Variants in ATP2B2 observed in about 807,000 individuals in gnomAD.
The protein encoded by ATP2B2 is plasma membrane calcium-transporting ATPase 2.
ATP2B2 carries 15 observed loss-of-function variants against 120.0 expected under a neutral mutation model. That is an observed-to-expected ratio of 0.12 (90% confidence interval 0.08 to 0.19). The LOEUF (loss-of-function observed/expected upper bound fraction) is 0.19. Ranked by LOEUF, ATP2B2 falls within the 10% of genes least tolerant of loss-of-function variation. The probability of loss-of-function intolerance (pLI) is 1.00; values close to 1 mark genes in which losing one functional copy is unlikely to be tolerated. For missense variants in ATP2B2, 1,045 were observed against 1,719.8 expected (o/e 0.61, Z 6.94); for synonymous variants, 694 against 700.3 (o/e 0.99, Z 0.14).
intron 5 of ATP2B2, among the ~76,000 whole-genome samples, chr3:10,396,656 T>C (rs578128743): frequency 6.6e-6 from 1 of 152,136 alleles, no homozygotes; most frequent in Admixed American, 6.5e-5. Flanking sequence ...AAGAAACTAA[T>C]CAAGGAACAC....
chr3:10,492,293 C>T lies in ATP2B2; in HGVS notation c.-320+13172G>A, dbSNP rs142099037. ...CAGGCAAGAAGCACCAGTCTCTTTCCAGAGCTTGGCCTGCATGGGTCTAAT... is the reference window on the plus strand; with the variant it reads ...CAGGCAAGAAGCACCAGTCTCTTTCTAGAGCTTGGCCTGCATGGGTCTAAT... On this transcript the variant is annotated intron_variant, in intron 1 of 22. Transcript: ENST00000360273. Among the ~76,000 whole-genome samples, 10 of 152,222 alleles carry T rather than the reference C, an allele frequency of 6.6e-5. No homozygotes were observed. In the East Asian group the frequency reaches 1.7e-3, roughly 26 times the overall value.
chr3:10,380,804 A>G (rs2061511326), intron 8 of ATP2B2, among the ~76,000 whole-genome samples: 2 of 152,200 alleles, frequency 1.3e-5, no homozygotes, highest in African/African-American at 2.4e-5. Context: ...TTCCACTTTC[A>G]TAAAACAGGA....
At chr3:10,568,390 C>T (rs1336629386) in intron 2 of ATP2B2, among the ~76,000 whole-genome samples, 1 of 152,132 alleles carries the variant, frequency 6.6e-6, no homozygotes, top group East Asian at 1.9e-4. Flanking sequence ...AGGATCAGGG[C>T]TCATGGGTGT....
At chr3:10,372,113 C>T in intron 11 of ATP2B2, 62 bp from the exon 12 acceptor site, 1 of 1,609,538 alleles carries the variant, frequency 6.2e-7, no homozygotes, top group Non-Finnish European at 8.5e-7. Flanking sequence ...CATGGGGTGC[C>T]TGGAGGCACT....
chr3:10,600,424 G>C (rs1156259443), intron 2 of ATP2B2, among the ~76,000 whole-genome samples: 1 of 152,134 alleles, frequency 6.6e-6, no homozygotes, highest in East Asian at 1.9e-4. Flanking sequence ...TCTACCCTAT[G>C]TCATCTCCCC....
At chr3:10,588,860 G>A (rs2068577110) in intron 2 of ATP2B2, among the ~76,000 whole-genome samples, 1 of 152,160 alleles carries the variant, frequency 6.6e-6, no homozygotes, top group Non-Finnish European at 1.5e-5. Flanking sequence ...AGATCCAACT[G>A]GAAATAGCCT....
intron 1 of ATP2B2, among the ~76,000 whole-genome samples, chr3:10,479,831 C>T (rs964165795): frequency 2.0e-5 from 3 of 152,188 alleles, no homozygotes; most frequent in Non-Finnish European, 4.4e-5. Flanking sequence ...CTTGGTGGCT[C>T]ATGCCTGTAA....
chr3:10,523,787 A>G (rs1473981817), intron 3 of ATP2B2, among the ~76,000 whole-genome samples: 1 of 151,856 alleles, frequency 6.6e-6, no homozygotes. Flanking sequence ...GTGGTCAAAT[A>G]TATCAGAGCC....
intron 2 of ATP2B2, among the ~76,000 whole-genome samples, chr3:10,425,474 C>T (rs908988819): frequency 3.3e-5 from 5 of 152,156 alleles, no homozygotes; most frequent in Admixed American, 6.5e-5. Flanking sequence ...AGCTGCCTCA[C>T]TTACTACCTG....
intron 2 of ATP2B2, among the ~76,000 whole-genome samples, chr3:10,614,417 G>A (rs2069326561): frequency 6.6e-6 from 1 of 152,168 alleles, no homozygotes. Flanking sequence ...GGGCTGTACA[G>A]TTTCAACAGC....
intron 1 of ATP2B2, among the ~76,000 whole-genome samples, chr3:10,700,707 A>G (rs2071804031): frequency 6.6e-6 from 1 of 152,262 alleles, no homozygotes; most frequent in South Asian, 2.1e-4. Flanking sequence ...GGACTGAGTT[A>G]TGCTCAGTAA....
intron 5 of ATP2B2, among the ~76,000 whole-genome samples, chr3:10,390,844 G>C (rs1045015793): frequency 1.3e-5 from 2 of 152,150 alleles, no homozygotes; most frequent in African/African-American, 4.8e-5. Flanking sequence ...TCTCATCACA[G>C]GCAGACCCTG....
chr3:10,512,014 C>T, intron 3 of ATP2B2, among the ~76,000 whole-genome samples: 1 of 152,174 alleles, frequency 6.6e-6, no homozygotes, highest in Non-Finnish European at 1.5e-5. Flanking sequence ...TTGCTGAGCA[C>T]CTACTGTGTG....
At chr3:10,450,315 A>G (rs550252564) in intron 1 of ATP2B2, among the ~76,000 whole-genome samples, 1 of 150,994 alleles carries the variant, frequency 6.6e-6, no homozygotes, top group Admixed American at 6.6e-5. Flanking sequence ...GCACACCCAG[A>G]CTCCATTTCC....
intron 1 of ATP2B2, among the ~76,000 whole-genome samples, chr3:10,640,630 TGGA>T (rs1169104339): frequency 6.6e-6 from 1 of 152,144 alleles, no homozygotes; most frequent in Admixed American, 6.5e-5. Context: ...AGAAAGCTTC[TGGA>T]GGAGGAGGGC....
At chr3:10,444,814 GT>G (rs2063784170) in intron 2 of ATP2B2, among the ~76,000 whole-genome samples, 2 of 152,246 alleles carry the variant, frequency 1.3e-5, no homozygotes, top group Non-Finnish European at 1.5e-5. Flanking sequence ...AGGGTGTCCT[GT>G]GTCTGTCCCC....
At chr3:10,533,089 A>G (rs938827699) in intron 3 of ATP2B2, among the ~76,000 whole-genome samples, 2 of 152,204 alleles carry the variant, frequency 1.3e-5, no homozygotes, top group South Asian at 4.1e-4. Context: ...TGTTGGGTCC[A>G]TGGGGCATGC....
At chr3:10,470,551 C>T (rs530478582) in intron 1 of ATP2B2, among the ~76,000 whole-genome samples, 1 of 152,270 alleles carries the variant, frequency 6.6e-6, no homozygotes, top group South Asian at 2.1e-4. Flanking sequence ...GAGGGGTATG[C>T]TGGGCTCAAG....
chr3:10,413,676 G>T (rs529036533), intron 2 of ATP2B2, among the ~76,000 whole-genome samples: 36 of 152,232 alleles, frequency 2.4e-4, no homozygotes, highest in South Asian at 8.3e-4. Context: ...AGGAACCGCA[G>T]GAAGCTTCCC....
Sources: gnomAD v4.1 joint callset for allele counts (sites outside exome capture counted in the v4.1 genomes callset) on GRCh38, gnomAD v4.1.1 for gene constraint, MANE v1.5 for transcripts, NCBI Gene and HGNC (gene_info 2026-07-23, HGNC 2026-07-21) for gene names.